The following SGK3 variants were observed in gnomAD, a reference collection of about 807,000 sequenced individuals.
SGK3 encodes serine/threonine-protein kinase Sgk3.
A neutral mutation model predicts 68.5 loss-of-function variants in SGK3; 47 were observed. The ratio of observed to expected loss-of-function variants is 0.69; its 90% CI spans 0.54 to 0.87. The LOEUF is 0.87. Among genes scored for constraint, SGK3 ranks in the 40% least tolerant of loss-of-function variants. The pLI, the probability that SGK3 is intolerant of heterozygous loss-of-function variation, is 0.00. For synonymous variants in SGK3, 181 were observed against 189.1 expected (o/e 0.96, Z 0.35); for missense variants, 479 against 575.5 (o/e 0.83, Z 1.72).
At chr8:66,846,084 G>GT (rs913231802) in intron 14 of SGK3, among the ~76,000 whole-genome samples, 36 of 150,936 alleles carry the variant, frequency 2.4e-4, no homozygotes, top group South Asian at 1.1e-3. Flanking sequence ...AATAAATTGG[G>GT]TTTTTTTTTG....
intron 13 of SGK3, among the ~76,000 whole-genome samples, chr8:66,842,127 C>T (rs936640253): frequency 4.6e-5 from 7 of 151,652 alleles, no homozygotes; most frequent in Non-Finnish European, 8.8e-5. Context: ...TATTTATAAC[C>T]ATTGTGTTTT....
rs185001680 is a variant in SGK3, at chr8:66,738,015, A to G, written c.-122+25182A>G. 3.3e-3 allele frequency among the ~76,000 whole-genome samples: 503 copies of G among 151,954 alleles called. 5 individuals are homozygous for G. The highest frequency in any genetic ancestry group is 0.012 in the African/African-American group (488 of 41,460). ...CTACCCTGCAGGTAGTTCAAATTCA[A>G]CATTTATAAAACAAAATATATTGTC... On this transcript the variant is annotated intron_variant, in intron 1 of 16. Coordinates refer to ENST00000521198, the MANE Select transcript of SGK3 (RefSeq NM_001033578.3).
intron 1 of SGK3, among the ~76,000 whole-genome samples, chr8:66,782,048 C>G (rs76378745): frequency 0.033 from 5,023 of 152,198 alleles, 298 homozygotes; most frequent in African/African-American, 0.11. Context: ...CAAAGATGTC[C>G]TTTGTTTCTG....
intron 10 of SGK3, among the ~76,000 whole-genome samples, chr8:66,837,881 T>C (rs1809603939): frequency 1.3e-5 from 2 of 152,232 alleles, no homozygotes; most frequent in Non-Finnish European, 2.9e-5. Flanking sequence ...CACATTGTTT[T>C]CACCTTGAAG....
At position 66,831,238 on chromosome 8, in the gene SGK3, T is replaced by G. The variant is rs1367673535; in HGVS notation, c.468-16T>G. On this transcript the variant is annotated splice_polypyrimidine_tract_variant and intron_variant, in intron 7 of 16. Coordinates refer to ENST00000521198, the MANE Select transcript of SGK3 (RefSeq NM_001033578.3). The stretch of plus-strand genomic sequence containing the variant: ...CAATTTCTAGGAGGCTAATTCTTAT[T>G]GTTAATTTATTTCAGTGCCAAACCA... 1 of 1,613,214 alleles carries G rather than the reference T, an allele frequency of 6.2e-7. No individual in the cohort carries two copies. The highest frequency in any genetic ancestry group is 1.3e-5 in the African/African-American group (1 of 74,868).
intron 5 of SGK3, among the ~76,000 whole-genome samples, chr8:66,818,500 A>G (rs1259219063): frequency 2.0e-5 from 3 of 152,208 alleles, no homozygotes; most frequent in African/African-American, 7.2e-5. Context: ...ACTGAATTAT[A>G]TCATCCCCTT....
chr8:66,777,626 C>G (rs1806763644), intron 1 of SGK3, among the ~76,000 whole-genome samples: 1 of 152,168 alleles, frequency 6.6e-6, no homozygotes, highest in Non-Finnish European at 1.5e-5. Flanking sequence ...CTGTTGTTGC[C>G]AAGCCCATTT....
rs140745905 is a variant in SGK3 at position 66,760,125 on chromosome 8, T to C, written c.-121-33491T>C. ...AATATTCACATTTCATGTAACAATA[T>C]TATAAAAATCACATTTGTTAGTATC... On this transcript the variant is annotated intron_variant, in intron 1 of 16. Coordinates refer to ENST00000521198, the MANE Select transcript of SGK3 (RefSeq NM_001033578.3). Among the ~76,000 whole-genome samples the C allele has an allele frequency of 2.6e-5, 4 of 152,270 alleles. No homozygotes were observed. In the East Asian group the frequency reaches 7.7e-4, roughly 29 times the overall value.
intron 5 of SGK3, among the ~76,000 whole-genome samples, chr8:66,821,341 A>G (rs969500653): frequency 6.6e-6 from 1 of 152,030 alleles, no homozygotes. Flanking sequence ...TATAAAAATG[A>G]TACTGTGTTA....
chr8:66,743,710 C>T (rs1805546635), intron 1 of SGK3, among the ~76,000 whole-genome samples: 1 of 152,236 alleles, frequency 6.6e-6, no homozygotes, highest in African/African-American at 2.4e-5. Flanking sequence ...TTAGTAGATA[C>T]AGGGTTTCAC....
intron 15 of SGK3, among the ~76,000 whole-genome samples, chr8:66,848,432 T>C (rs1473184111): frequency 6.6e-6 from 1 of 152,218 alleles, no homozygotes; most frequent in African/African-American, 2.4e-5. Context: ...TCTCCAGACT[T>C]CCCAGATTCC....
chr8:66,730,575 T>C (rs1010804362), intron 1 of SGK3, among the ~76,000 whole-genome samples: 1 of 152,338 alleles, frequency 6.6e-6, no homozygotes, highest in South Asian at 2.1e-4. Flanking sequence ...TTCATAGTTC[T>C]AGGTCTTTCT....
intron 8 of SGK3, among the ~76,000 whole-genome samples, chr8:66,831,632 C>G (rs899272765): frequency 2.6e-5 from 4 of 152,144 alleles, no homozygotes; most frequent in African/African-American, 9.7e-5. Context: ...AGTCACCATC[C>G]CCAGCCTAAA....
intron 1 of SGK3, among the ~76,000 whole-genome samples, chr8:66,788,350 T>A (rs1807294211): frequency 6.6e-6 from 1 of 152,234 alleles, no homozygotes; most frequent in Non-Finnish European, 1.5e-5. Context: ...TGGTTTTCCA[T>A]AGGCGGTCAT....
intron 1 of SGK3, among the ~76,000 whole-genome samples, chr8:66,738,543 C>T (rs1805389096): frequency 1.3e-5 from 2 of 152,200 alleles, no homozygotes; most frequent in South Asian, 4.1e-4. Flanking sequence ...GTAGTTACTT[C>T]TGCACAGACT....
At chr8:66,783,429 T>C (rs1807071995) in intron 1 of SGK3, among the ~76,000 whole-genome samples, 1 of 152,272 alleles carries the variant, frequency 6.6e-6, no homozygotes. Context: ...CTTCATGTTC[T>C]TTCATGGATT....
intron 1 of SGK3, among the ~76,000 whole-genome samples, chr8:66,779,375 T>A (rs1187392837): frequency 6.6e-6 from 1 of 151,824 alleles, no homozygotes; most frequent in East Asian, 1.9e-4. Flanking sequence ...TCTTTTCTCC[T>A]GTGGCCTTCC....
chr8:66,760,620 C>G (rs1328195398), intron 1 of SGK3, among the ~76,000 whole-genome samples: 1 of 152,026 alleles, frequency 6.6e-6, no homozygotes, highest in East Asian at 1.9e-4. Flanking sequence ...AGGCGTGAGT[C>G]ACTGTGCCCG....
At chr8:66,780,996 G>A (rs1396362224) in intron 1 of SGK3, among the ~76,000 whole-genome samples, 1 of 152,084 alleles carries the variant, frequency 6.6e-6, no homozygotes, top group East Asian at 1.9e-4. Flanking sequence ...GTTGGGCCTG[G>A]ACAATCTGAA....
Sources: gnomAD v4.1 joint callset for allele counts (sites outside exome capture counted in the v4.1 genomes callset) on GRCh38, gnomAD v4.1.1 for gene constraint, MANE v1.5 for transcripts, NCBI Gene and HGNC (gene_info 2026-07-23, HGNC 2026-07-21) for gene names.